Variants in TPM4 observed in about 807,000 individuals in gnomAD.
The protein encoded by TPM4 is tropomyosin alpha-4 chain.
Under a neutral mutation model 35.8 loss-of-function variants are expected in TPM4, and 17 were observed. That is an observed-to-expected ratio of 0.47 (90% CI 0.32 to 0.71). The LOEUF is 0.71. Ranked by LOEUF, TPM4 falls within the 30% of genes least tolerant of loss-of-function variation. The pLI is 0.03. For synonymous variants in TPM4, 120 were observed against 122.9 expected (o/e 0.98, Z 0.15); for missense variants, 240 against 320.9 (o/e 0.75, Z 1.93).
At chr19:16,098,159 A>G (rs982717995) in intron 7 of TPM4, among the ~76,000 whole-genome samples, 1 of 151,992 alleles carries the variant, frequency 6.6e-6, no homozygotes, top group Non-Finnish European at 1.5e-5. Context: ...GATTAGTGCT[A>G]TGGCCGGGCA....
chr19:16,078,773 C>T (rs1055886), intron 1 of TPM4, among the ~76,000 whole-genome samples: 3 of 149,870 alleles, frequency 2.0e-5, no homozygotes, highest in Admixed American at 1.3e-4. Flanking sequence ...TGCTTCTTTC[C>T]GTCTGGGAGA....
At chr19:16,073,956 AAAAAC>A (rs1568298121), upstream of TPM4, among the ~76,000 whole-genome samples, 2 of 120,254 alleles carry the variant, frequency 1.7e-5, no homozygotes, top group African/African-American at 3.1e-5. Context: ...AAAAAAAAAA[AAAAAC>A]GCAAAAAAAA....
chr19:16,068,566 CTGTG>C (rs1304613158), intron 2 of TPM4, among the ~76,000 whole-genome samples: 1 of 151,924 alleles, frequency 6.6e-6, no homozygotes, highest in Admixed American at 6.6e-5. Flanking sequence ...GCATTTGTGT[CTGTG>C]TGTACATGTA....
At chr19:16,075,973 G>T (rs2090398849), upstream of TPM4, 3 of 1,537,796 alleles carry the variant, frequency 2.0e-6, no homozygotes, top group African/African-American at 4.2e-5. Flanking sequence ...TGAATATTGG[G>T]GGGGACCGCC....
rs2090595978 is a variant in TPM4 at position 16,089,191 on chromosome 19, A to AAGTGTAG, written c.531+71_531+72insAGTGTAG. 4.4e-6 allele frequency: 7 copies of AAGTGTAG among 1,595,526 alleles called. No individual in the cohort carries two copies. The African/African-American group carries it at 9.4e-5, about 21-fold the overall frequency. On this transcript the variant is annotated intron_variant, in intron 5 of 7. Transcript: ENST00000643579. ...CTTTTCTTCTCCCGAGGGATGCAGGAGCCTGTCAGGTTATGGGGAATCTGC... is the reference window on the plus strand; with the variant it reads ...CTTTTCTTCTCCCGAGGGATGCAGGAAGTGTAGGCCTGTCAGGTTATGGGGAATCTGC...
chr19:16,069,302 T>C (rs1048316443), intron 2 of TPM4, among the ~76,000 whole-genome samples: 1 of 152,026 alleles, frequency 6.6e-6, no homozygotes, highest in Non-Finnish European at 1.5e-5. Context: ...TGAATGTGTA[T>C]GGATGAGTGT....
upstream of TPM4, among the ~76,000 whole-genome samples, chr19:16,073,007 C>T (rs1416461755): frequency 6.6e-6 from 1 of 152,090 alleles, no homozygotes; most frequent in Non-Finnish European, 1.5e-5. Flanking sequence ...CTTGCCCAAA[C>T]ATTTCCCCCA....
chr19:16,088,450 C>A, intron 4 of TPM4: 3 of 1,104,438 alleles, frequency 2.7e-6, no homozygotes, highest in Non-Finnish European at 3.3e-6. Context: ...CAGGCTCCCC[C>A]GGTCAGTATG....
rs1267185548 is a variant in TPM4, at chr19:16,101,343, A to C, written c.744A>C (p.Ile248=). ...AGACACTAAACGAACTTAACTGTAT[A>C]TAAGCAAAACAGAAGAGTCTTGTTC... ...LDQTLNELNC[I] is the part of the protein sequence containing the mutation. Residue 248 remains isoleucine (I), a synonymous_variant, in exon 8 of 8, where the codon ATA becomes ATC. Coordinates refer to ENST00000643579, the MANE Select transcript of TPM4 (RefSeq NM_003290.3). The C allele has an allele frequency of 1.9e-6, 3 of 1,594,792 alleles. No individual in the cohort carries two copies. In the African/African-American group the frequency reaches 4.1e-5, roughly 22 times the overall value.
At chr19:16,068,388 C>T (rs2090319681) in intron 2 of TPM4, among the ~76,000 whole-genome samples, 2 of 152,162 alleles carry the variant, frequency 1.3e-5, no homozygotes. Context: ...GTTGGCCGGA[C>T]TGGTCTCAAA....
Position 16,101,405 on chromosome 19 carries a change from C to G in TPM4, c.*59C>G. 7.5e-7 allele frequency: 1 copy of G among 1,342,016 alleles called. No individual in the cohort carries two copies. Among genetic ancestry groups the G allele is most frequent in the Non-Finnish European group, 1.0e-6 (1 of 987,488 alleles). 83.1% of individuals were successfully genotyped at this position (1,342,016 alleles called of 1,614,324 possible). On this transcript the variant is annotated 3_prime_UTR_variant, in exon 8 of 8. Coordinates refer to ENST00000643579, the MANE Select transcript of TPM4 (RefSeq NM_003290.3). ...CTGGAGCTCCGTGGGTCTTTCTCTT[C>G]TCTTGTAAGAAGTTCCTTTTGTTAT...
At chr19:16,077,910 C>T (rs141473155) in intron 1 of TPM4, 2 of 324,864 alleles carry the variant, frequency 6.2e-6, no homozygotes, top group South Asian at 1.6e-4. Context: ...TACAGGTGCC[C>T]GCCACCACGC....
Position 16,101,444 on chromosome 19 carries a change from T to A in TPM4, c.*98T>A. 1.1e-6 allele frequency: 1 copy of A among 877,246 alleles called. No individual in the cohort carries two copies. The highest frequency in any genetic ancestry group is 1.7e-6 in the Non-Finnish European group (1 of 599,940). The allele number at this position is 877,246 out of a possible 1,614,324, so 54.3% of individuals were successfully genotyped here. A position where few individuals can be genotyped will look rare whatever the true frequency, so the allele number is the denominator to read the frequency against. On this transcript the variant is annotated 3_prime_UTR_variant, in exon 8 of 8. Coordinates refer to ENST00000643579, the MANE Select transcript of TPM4 (RefSeq NM_003290.3). ...TCCTTTTGTTATTGCCATCTTCGCT[T>A]TGCTGGAAATGTCAAGCAAATTATG...
intron 2 of TPM4, 69 bp downstream of exon 2, chr19:16,082,115 C>T: frequency 2.0e-6 from 3 of 1,532,166 alleles, no homozygotes; most frequent in Admixed American, 1.9e-5. Flanking sequence ...CTGCCGACCT[C>T]GCAGAGCTGG....
chr19:16,075,937 G>A (rs1460246388), upstream of TPM4: 1 of 1,431,366 alleles, frequency 7.0e-7, no homozygotes, highest in African/African-American at 1.4e-5. Context: ...GGAAACTGAT[G>A]CCCAGAGAGA....
chr19:16,073,331 A>G (rs77138582), upstream of TPM4, among the ~76,000 whole-genome samples: 3,004 of 152,308 alleles, frequency 0.02, 95 homozygotes, highest in African/African-American at 0.068. Context: ...TGATCCACAG[A>G]TCTGGAAGGA....
chr19:16,092,191 A>G (rs1348463964), intron 5 of TPM4, among the ~76,000 whole-genome samples: 2 of 147,182 alleles, frequency 1.4e-5, no homozygotes, highest in African/African-American at 5.1e-5. Context: ...AAAAAAAAAA[A>G]GAAAAGAAAA....
At chr19:16,071,109 A>G (rs1158206490) in intron 2 of TPM4, among the ~76,000 whole-genome samples, 1 of 152,200 alleles carries the variant, frequency 6.6e-6, no homozygotes, top group Non-Finnish European at 1.5e-5. Context: ...ACTGGAGTAG[A>G]CTTGGGCTCA....
intron 5 of TPM4, 48 bp from the exon 6 acceptor site, chr19:16,093,488 C>T (rs1407051770): frequency 1.2e-6 from 2 of 1,609,278 alleles, no homozygotes; most frequent in African/African-American, 2.7e-5. Flanking sequence ...GCCACCATGC[C>T]TGGCTGGGCC....
Sources: gnomAD v4.1 joint callset for allele counts (sites outside exome capture counted in the v4.1 genomes callset) on GRCh38, gnomAD v4.1.1 for gene constraint, MANE v1.5 for transcripts, NCBI Gene and HGNC (gene_info 2026-07-23, HGNC 2026-07-21) for gene names.